The following AKAP19 variants were observed in gnomAD, a reference collection of about 807,000 sequenced individuals.
AKAP19 encodes the protein A-kinase anchoring protein 19, also known as small A-kinase anchoring protein.
chr2:190,095,616 T>G, the AKAP19 span: 1 of 152,224 alleles, frequency 6.6e-6, no homozygotes, highest in East Asian at 1.9e-4. Context: ...AGAAATAAAT[T>G]TCTGTTGTTT....
At chr2:190,087,040 T>C in the AKAP19 span, among the ~76,000 whole-genome samples, 7 of 152,224 alleles carry the variant, frequency 4.6e-5, no homozygotes, top group South Asian at 1.5e-3. Flanking sequence ...TGTGAGTAGG[T>C]CATTAGGAAT....
At chr2:190,061,727 G>A in the AKAP19 span, among the ~76,000 whole-genome samples, 1 of 151,182 alleles carries the variant, frequency 6.6e-6, no homozygotes, top group Non-Finnish European at 1.5e-5. Context: ...TAACTGTGAA[G>A]AACAAAAAAA....
At chr2:190,085,516 A>G in the AKAP19 span, among the ~76,000 whole-genome samples, 1 of 152,228 alleles carries the variant, frequency 6.6e-6, no homozygotes, top group Non-Finnish European at 1.5e-5. Context: ...GAGGCAGCTG[A>G]AAGAATCCCA....
chr2:190,082,711 C>T, the AKAP19 span, among the ~76,000 whole-genome samples: 23 of 152,120 alleles, frequency 1.5e-4, no homozygotes, highest in African/African-American at 5.1e-4. Context: ...TTATTCTAAC[C>T]ATTATACAAA....
chr2:190,090,070 A>G, the AKAP19 span, among the ~76,000 whole-genome samples: 1 of 152,020 alleles, frequency 6.6e-6, no homozygotes, highest in Non-Finnish European at 1.5e-5. Flanking sequence ...TGCAAATGTA[A>G]TCTCATTGTC....
the AKAP19 span, among the ~76,000 whole-genome samples, chr2:190,004,858 T>C: frequency 6.6e-6 from 1 of 152,060 alleles, no homozygotes; most frequent in South Asian, 2.1e-4. Context: ...AACACTGTTG[T>C]AGGTTCAGTT....
At chr2:190,153,621 A>C in the AKAP19 span, among the ~76,000 whole-genome samples, 1 of 152,192 alleles carries the variant, frequency 6.6e-6, no homozygotes, top group African/African-American at 2.4e-5. Context: ...TTTGGTTTTT[A>C]TTAAATTCCT....
At chr2:189,907,234 C>T in the AKAP19 span, among the ~76,000 whole-genome samples, 1 of 152,164 alleles carries the variant, frequency 6.6e-6, no homozygotes, top group African/African-American at 2.4e-5. Flanking sequence ...ATGGGTCCCA[C>T]TCCCCAACTT....
the AKAP19 span, chr2:189,923,293 C>G: frequency 6.5e-7 from 1 of 1,547,012 alleles, no homozygotes; most frequent in Non-Finnish European, 8.9e-7. Context: ...TCTCCCTCCC[C>G]TTCTTGTTTT....
At chr2:189,900,354 T>C in the AKAP19 span, among the ~76,000 whole-genome samples, 1 of 152,264 alleles carries the variant, frequency 6.6e-6, no homozygotes, top group East Asian at 1.9e-4. Context: ...TGTGACTTTT[T>C]CAAGAAGATG....
At chr2:190,024,809 G>A in the AKAP19 span, among the ~76,000 whole-genome samples, 1 of 152,212 alleles carries the variant, frequency 6.6e-6, no homozygotes, top group South Asian at 2.1e-4. Context: ...TTCTATTGAT[G>A]TGCCATATCT....
the AKAP19 span, among the ~76,000 whole-genome samples, chr2:190,070,552 A>G: frequency 1.2e-4 from 18 of 151,934 alleles, no homozygotes; most frequent in East Asian, 1.9e-3. Context: ...TTCTAAGGTC[A>G]TAAGAACTTC....
At chr2:190,097,225 C>G in the AKAP19 span, among the ~76,000 whole-genome samples, 2 of 152,160 alleles carry the variant, frequency 1.3e-5, no homozygotes, top group African/African-American at 4.8e-5. Context: ...CTCCCTCCCC[C>G]TAACCCCTAC....
At chr2:189,911,252 G>A in the AKAP19 span, among the ~76,000 whole-genome samples, 2 of 152,154 alleles carry the variant, frequency 1.3e-5, no homozygotes, top group South Asian at 2.1e-4. Flanking sequence ...GTTACTCTTC[G>A]TACCATTTTA....
the AKAP19 span, among the ~76,000 whole-genome samples, chr2:189,908,859 T>A: frequency 6.6e-6 from 1 of 152,180 alleles, no homozygotes; most frequent in Non-Finnish European, 1.5e-5. Flanking sequence ...TCTATGTGTG[T>A]CCCTTAGGTC....
chr2:189,902,211 C>T, the AKAP19 span, among the ~76,000 whole-genome samples: 1 of 151,956 alleles, frequency 6.6e-6, no homozygotes, highest in African/African-American at 2.4e-5. Context: ...ATTTAGTATT[C>T]TCCACAAGGT....
At chr2:189,923,366 C>T in the AKAP19 span, 2 of 1,612,718 alleles carry the variant, frequency 1.2e-6, no homozygotes, top group Non-Finnish European at 1.7e-6. Flanking sequence ...CAAGACAGAT[C>T]CTCGTTCCAT....
At chr2:189,887,887 T>G in the AKAP19 span, among the ~76,000 whole-genome samples, 1 of 152,198 alleles carries the variant, frequency 6.6e-6, no homozygotes, top group South Asian at 2.1e-4. Flanking sequence ...TTGCAAAAAT[T>G]TTCTCCCATT....
At chr2:190,097,064 A>T in the AKAP19 span, among the ~76,000 whole-genome samples, 3 of 151,670 alleles carry the variant, frequency 2.0e-5, no homozygotes, top group South Asian at 2.1e-4. Flanking sequence ...AAGTCTCAAA[A>T]TTTTTTTTTC....
Sources: gnomAD v4.1 joint callset for allele counts (sites outside exome capture counted in the v4.1 genomes callset) on GRCh38, gnomAD v4.1.1 for gene constraint, MANE v1.5 for transcripts, NCBI Gene and HGNC (gene_info 2026-07-23, HGNC 2026-07-21) for gene names.